The following MGST2 variants were observed in gnomAD, a reference collection of about 807,000 sequenced individuals.
MGST2 encodes the protein glutathione peroxidase MGST2.
A neutral mutation model predicts 16.6 loss-of-function variants in MGST2; 9 were observed. The observed-to-expected ratio is 0.54, with a 90% confidence interval of 0.33 to 0.95. The LOEUF is 0.95. Ranked by LOEUF, MGST2 falls within the 40% of genes least tolerant of loss-of-function variation. The pLI, the probability that MGST2 is intolerant of heterozygous loss-of-function variation, is 0.03. For missense variants in MGST2, 159 were observed against 175.1 expected, an observed-to-expected ratio of 0.91 and a Z score of 0.52; for synonymous variants, 79 against 68.0, an observed-to-expected ratio of 1.16 and a Z score of -0.79.
chr4:139,746,719 C>A, the MGST2 span, among the ~76,000 whole-genome samples: 5 of 152,182 alleles, frequency 3.3e-5, no homozygotes, highest in African/African-American at 1.2e-4. Context: ...TTTCACCTCC[C>A]CCCTTCTCCT....
At chr4:139,702,388 T>G (rs1220496989) in intron 3 of MGST2, among the ~76,000 whole-genome samples, 1 of 152,058 alleles carries the variant, frequency 6.6e-6, no homozygotes, top group Non-Finnish European at 1.5e-5. Context: ...TTTTCATCAG[T>G]TAGGTTTGTC....
the MGST2 span, among the ~76,000 whole-genome samples, chr4:139,747,687 C>A: frequency 6.9e-5 from 10 of 144,324 alleles, no homozygotes; most frequent in African/African-American, 2.6e-4. Context: ...GAGCAAGACT[C>A]CCTCTCAGAA....
At chr4:139,683,919 GTTT>G (rs34222679) in intron 2 of MGST2, among the ~76,000 whole-genome samples, 10 of 92,410 alleles carry the variant, frequency 1.1e-4, no homozygotes, top group East Asian at 6.9e-4. Flanking sequence ...TCAGTTTTGT[GTTT>G]TTTTTTTTTT....
intron 2 of MGST2, among the ~76,000 whole-genome samples, chr4:139,682,259 AAAACAG>A (rs1248186130): frequency 1.8e-3 from 268 of 152,164 alleles, no homozygotes; most frequent in African/African-American, 6.3e-3. Flanking sequence ...AAAAAAAACA[AAAACAG>A]AAAGGATAGC....
downstream of MGST2, among the ~76,000 whole-genome samples, chr4:139,704,457 C>A (rs1727439453): frequency 6.6e-6 from 1 of 152,136 alleles, no homozygotes; most frequent in Admixed American, 6.5e-5. Context: ...ACATATCCTG[C>A]CACTCTGACT....
chr4:139,732,391 C>A (rs1579371970), intron 5 of MGST2, among the ~76,000 whole-genome samples: 1 of 152,080 alleles, frequency 6.6e-6, no homozygotes, highest in East Asian at 1.9e-4. Flanking sequence ...TCAACTGCAT[C>A]TTCAGTTGCT....
downstream of MGST2, among the ~76,000 whole-genome samples, chr4:139,705,229 A>G (rs920541942): frequency 2.6e-5 from 4 of 152,154 alleles, no homozygotes; most frequent in East Asian, 1.9e-4. Flanking sequence ...ATAGGAGTCA[A>G]GCTCAAATCT....
At chr4:139,699,740 C>T (rs1454340904) in intron 3 of MGST2, among the ~76,000 whole-genome samples, 1 of 152,162 alleles carries the variant, frequency 6.6e-6, no homozygotes, top group Non-Finnish European at 1.5e-5. Flanking sequence ...GAAAAATTCA[C>T]ATTAATAATT....
At chr4:139,672,116 T>G (rs1305221437) in intron 1 of MGST2, among the ~76,000 whole-genome samples, 1 of 152,162 alleles carries the variant, frequency 6.6e-6, no homozygotes, top group Non-Finnish European at 1.5e-5. Context: ...TTACTGAAGC[T>G]CATTCCTCAC....
chr4:139,683,361 C>G (rs1046972388), intron 2 of MGST2, among the ~76,000 whole-genome samples: 5 of 152,148 alleles, frequency 3.3e-5, no homozygotes, highest in Admixed American at 2.0e-4. Flanking sequence ...GAGCATCCAT[C>G]CCAAAGGATG....
At chr4:139,702,922 TTTTA>T (rs1268113063) in intron 3 of MGST2, among the ~76,000 whole-genome samples, 3 of 148,370 alleles carry the variant, frequency 2.0e-5, no homozygotes, top group Admixed American at 6.8e-5. Context: ...CATTATAGTT[TTTTA>T]TTTATTTATT....
rs1307520887 is a variant in MGST2, at chr4:139,735,535, C to T, written c.*49-4677C>T. Among the ~76,000 whole-genome samples the T allele has an allele frequency of 6.6e-6, 1 of 152,082 alleles. No homozygotes were observed. The highest frequency in any genetic ancestry group is 2.4e-5 in the African/African-American group (1 of 41,416). On this transcript the variant is annotated intron_variant, in intron 5 of 5. Transcript: ENST00000616265. The surrounding 1 kb of genome is among the most constrained non-coding windows in gnomAD (Gnocchi z 5.8). ...GCCCGGGAGGGACCGGGTTCCAGGA[C>T]CCCAGCTGCACAAAGCCGGCCCGGG...
intron 2 of MGST2, chr4:139,678,961 A>T: frequency 2.4e-6 from 1 of 410,678 alleles, no homozygotes; most frequent in Non-Finnish European, 4.4e-6. Flanking sequence ...AGACCACAAT[A>T]GTCTGAAGTT....
chr4:139,692,446 A>C (rs1726664233), intron 2 of MGST2, among the ~76,000 whole-genome samples: 1 of 152,208 alleles, frequency 6.6e-6, no homozygotes, highest in Admixed American at 6.5e-5. Flanking sequence ...CCTGCTCCCC[A>C]GTCCTCTGTG....
Position 139,717,196 on chromosome 4 carries a change from A to G in MGST2, c.*48+13000A>G, listed in dbSNP as rs1191613074. The G allele has an allele frequency of 2.0e-5, 3 of 152,508 alleles. No homozygotes were observed. The East Asian group carries it at 5.8e-4, about 29-fold the overall frequency. 9.4% of individuals were successfully genotyped at this position (152,508 alleles called of 1,614,324 possible). A position where few individuals can be genotyped will look rare whatever the true frequency, so the allele number is the denominator to read the frequency against. On this transcript the variant is annotated intron_variant, in intron 5 of 5. Transcript: ENST00000616265. Reference sequence around the variant, plus strand: ...AAACAAAACCACCATATTAAAATCTACCTATTAGTTGGTCCCAGTACTGAG... The same window carrying G: ...AAACAAAACCACCATATTAAAATCTGCCTATTAGTTGGTCCCAGTACTGAG...
intron 5 of MGST2, among the ~76,000 whole-genome samples, chr4:139,712,897 G>A (rs989331563): frequency 3.3e-5 from 5 of 152,292 alleles, no homozygotes; most frequent in South Asian, 4.1e-4. Flanking sequence ...AAACAGATTC[G>A]TATTGCATTT....
At chr4:139,669,195 A>G (rs1180616300) in intron 1 of MGST2, among the ~76,000 whole-genome samples, 2 of 152,044 alleles carry the variant, frequency 1.3e-5, no homozygotes, top group African/African-American at 4.8e-5. Context: ...GGCTGAGAGG[A>G]GGACTCCATT....
chr4:139,684,129 T>C (rs1731422056), intron 2 of MGST2, among the ~76,000 whole-genome samples: 1 of 152,150 alleles, frequency 6.6e-6, no homozygotes, highest in Non-Finnish European at 1.5e-5. Flanking sequence ...TTTCACCATG[T>C]TGACTGGGCT....
At chr4:139,729,426 C>A (rs72730203) in intron 5 of MGST2, among the ~76,000 whole-genome samples, 1 of 152,066 alleles carries the variant, frequency 6.6e-6, no homozygotes, top group African/African-American at 2.4e-5. Flanking sequence ...TCGAGACCAG[C>A]CTGGTCAACA....
Sources: allele counts gnomAD v4.1 joint callset (sites outside exome capture counted in the v4.1 genomes callset), GRCh38; gene constraint gnomAD v4.1.1; non-coding constraint Gnocchi (gnomAD v3.1); transcripts MANE v1.5; gene names NCBI Gene and HGNC (gene_info 2026-07-23, HGNC 2026-07-21).